CNTNAP2: variants seen among roughly 807,000 people sequenced by gnomAD.
CNTNAP2 encodes the protein contactin-associated protein-like 2.
CNTNAP2 carries 98 observed loss-of-function variants against 155.2 expected under a neutral mutation model. The ratio of observed to expected loss-of-function variants is 0.63; its 90% CI spans 0.54 to 0.75. CNTNAP2 has a LOEUF of 0.75. Among genes scored for constraint, CNTNAP2 ranks in the 30% least tolerant of loss-of-function variants. CNTNAP2 has a pLI of 0.00. For synonymous variants in CNTNAP2, 651 were observed against 631.2 expected (o/e 1.03, Z -0.47); for missense variants, 1,727 against 1,688.1 (o/e 1.02, Z -0.40).
intron 18 of CNTNAP2, 40 bp from the exon 19 acceptor site, chr7:148,217,248 C>A: frequency 6.2e-7 from 1 of 1,601,866 alleles, no homozygotes; most frequent in Non-Finnish European, 8.6e-7. Flanking sequence ...CGGCATCAGA[C>A]CTCTCCTCAT....
At chr7:148,295,556 G>A (rs6968236) in intron 21 of CNTNAP2, among the ~76,000 whole-genome samples, 58,792 of 143,476 alleles carry the variant, frequency 0.41, 12,957 homozygotes, top group East Asian at 0.67. Context: ...CTGTGGCGCA[G>A]TCTCGGCTCA....
intron 8 of CNTNAP2, among the ~76,000 whole-genome samples, chr7:147,168,904 A>G (rs1279944095): frequency 6.6e-6 from 1 of 152,164 alleles, no homozygotes; most frequent in Non-Finnish European, 1.5e-5. Flanking sequence ...TGTATCATAT[A>G]TGACATATAG....
intron 10 of CNTNAP2, among the ~76,000 whole-genome samples, chr7:147,404,517 G>A (rs1414192242): frequency 6.6e-6 from 1 of 152,086 alleles, no homozygotes; most frequent in Non-Finnish European, 1.5e-5. Flanking sequence ...TGATTTTTAT[G>A]TTGCAAATCG....
At chr7:147,469,311 T>C (rs954571026) in intron 10 of CNTNAP2, among the ~76,000 whole-genome samples, 4 of 152,070 alleles carry the variant, frequency 2.6e-5, no homozygotes, top group African/African-American at 9.7e-5. Flanking sequence ...AGTATTCTGC[T>C]TTACTAAATC....
intron 1 of CNTNAP2, among the ~76,000 whole-genome samples, chr7:146,731,861 A>G (rs1801531260): frequency 6.6e-6 from 1 of 152,150 alleles, no homozygotes; most frequent in Non-Finnish European, 1.5e-5. Context: ...TTTTTTGAAA[A>G]AATATACTCA....
intron 21 of CNTNAP2, among the ~76,000 whole-genome samples, chr7:148,375,999 C>CA (rs541531228): frequency 0.031 from 1,507 of 48,628 alleles, 449 homozygotes; most frequent in Middle Eastern, 0.077. Flanking sequence ...GACTCCATCT[C>CA]AAAAAAAAAA....
At chr7:148,259,878 C>T (rs1355395949) in intron 20 of CNTNAP2, among the ~76,000 whole-genome samples, 1 of 152,236 alleles carries the variant, frequency 6.6e-6, no homozygotes, top group African/African-American at 2.4e-5. Context: ...TTAGTGTTCA[C>T]TCAAGGTTGT....
intron 3 of CNTNAP2, among the ~76,000 whole-genome samples, chr7:146,880,531 T>C (rs1795524146): frequency 6.6e-6 from 1 of 152,110 alleles, no homozygotes; most frequent in Non-Finnish European, 1.5e-5. Flanking sequence ...AGATCTTACC[T>C]GAGTAGAAAA....
At chr7:147,802,595 G>A (rs986463088) in intron 13 of CNTNAP2, among the ~76,000 whole-genome samples, 5 of 152,284 alleles carry the variant, frequency 3.3e-5, no homozygotes, top group South Asian at 2.1e-4. Context: ...CCAACACAGC[G>A]AAACCCCGTC....
rs1799990714 is a variant in CNTNAP2, at chr7:148,416,413, C to G, written c.*797C>G. On this transcript the variant is annotated 3_prime_UTR_variant, in exon 24 of 24. Coordinates refer to ENST00000361727, the MANE Select transcript of CNTNAP2 (RefSeq NM_014141.6). ...CTATCAGCTGCAATACCATGGTGAC[C>G]AGCTGTTACAAAAGATTTTTTCCTG... The G allele has an allele frequency of 6.6e-6, 1 of 152,000 alleles. No individual in the cohort carries two copies. Among genetic ancestry groups the G allele is most frequent in the South Asian group, 2.1e-4 (1 of 4,824 alleles). 9.4% of individuals were successfully genotyped at this position (152,000 alleles called of 1,614,324 possible). A position where few individuals can be genotyped will look rare whatever the true frequency, so the allele number is the denominator to read the frequency against.
chr7:147,937,314 T>A (rs1800629210), intron 14 of CNTNAP2, among the ~76,000 whole-genome samples: 1 of 152,170 alleles, frequency 6.6e-6, no homozygotes, highest in Non-Finnish European at 1.5e-5. Context: ...TTAAATTGCC[T>A]TTCCCAGCTT....
intron 2 of CNTNAP2, among the ~76,000 whole-genome samples, chr7:146,790,003 C>G (rs1438752853): frequency 6.6e-6 from 1 of 151,714 alleles, no homozygotes; most frequent in Non-Finnish European, 1.5e-5. Context: ...ATGCTTTCTT[C>G]CCTTTCAAAT....
At chr7:148,338,450 TCTCCCATGGACAAACTCTTCC>T (rs1321493956) in intron 21 of CNTNAP2, among the ~76,000 whole-genome samples, 1 of 152,082 alleles carries the variant, frequency 6.6e-6, no homozygotes, top group African/African-American at 2.4e-5. Context: ...CCTAATTTTC[TCTCCCATGGACAAACTCTTCC>T]CTCCCCCCAC....
intron 3 of CNTNAP2, among the ~76,000 whole-genome samples, chr7:146,907,674 C>T (rs374005858): frequency 0.25 from 36,778 of 148,856 alleles, 5,289 homozygotes; most frequent in Non-Finnish European, 0.32. Flanking sequence ...AAGGAACAAC[C>T]GGTACCAGCT....
At position 147,305,963 on chromosome 7, in the gene CNTNAP2, T is replaced by C. The variant is rs141188618; in HGVS notation, c.1498+5673T>C. 3.3e-5 allele frequency among the ~76,000 whole-genome samples: 5 copies of C among 152,272 alleles called. No individual in the cohort carries two copies. The East Asian group carries it at 9.7e-4, about 29-fold the overall frequency. On this transcript the variant is annotated intron_variant, in intron 9 of 23. Coordinates refer to ENST00000361727, the MANE Select transcript of CNTNAP2 (RefSeq NM_014141.6). ...TCCAGTCTCTGCCTCCATCTTCACATAGTCTCCTCCCCTTTGTGTTTCCGC... is the reference window on the plus strand; with the variant it reads ...TCCAGTCTCTGCCTCCATCTTCACACAGTCTCCTCCCCTTTGTGTTTCCGC...
At chr7:147,806,141 C>T (rs987373194) in intron 13 of CNTNAP2, among the ~76,000 whole-genome samples, 10 of 152,096 alleles carry the variant, frequency 6.6e-5, no homozygotes, top group African/African-American at 2.4e-4. Flanking sequence ...AAGAACACAA[C>T]TCAATAGCAA....
At chr7:146,257,430 A>G (rs542585694) in intron 1 of CNTNAP2, among the ~76,000 whole-genome samples, 1 of 152,326 alleles carries the variant, frequency 6.6e-6, no homozygotes, top group South Asian at 2.1e-4. Flanking sequence ...CAAGGCCCCA[A>G]AATGACTGTT....
At chr7:147,808,185 A>G (rs1303387969) in intron 13 of CNTNAP2, among the ~76,000 whole-genome samples, 1 of 152,110 alleles carries the variant, frequency 6.6e-6, no homozygotes, top group Non-Finnish European at 1.5e-5. Context: ...TCTGTAGGAT[A>G]CTGGATGATA....
chr7:146,807,577 T>G (rs943320774), intron 2 of CNTNAP2, among the ~76,000 whole-genome samples: 2 of 152,086 alleles, frequency 1.3e-5, no homozygotes, highest in Non-Finnish European at 2.9e-5. Flanking sequence ...TTACCTCTCA[T>G]GGTGACAATG....
Sources: allele counts gnomAD v4.1 joint callset (sites outside exome capture counted in the v4.1 genomes callset), GRCh38; gene constraint gnomAD v4.1.1; transcripts MANE v1.5; gene names NCBI Gene and HGNC (gene_info 2026-07-23, HGNC 2026-07-21).